TENM2: variants seen among roughly 807,000 people sequenced by gnomAD.
TENM2 encodes teneurin transmembrane protein 2.
Under a neutral mutation model 245.2 loss-of-function variants are expected in TENM2, and 52 were observed. The ratio of observed to expected loss-of-function variants is 0.21; its 90% confidence interval spans 0.17 to 0.27. The LOEUF is 0.27. TENM2 is among the 10% of genes least tolerant of loss of function. The probability of loss-of-function intolerance (pLI) is 1.00; values close to 1 mark genes in which losing one functional copy is unlikely to be tolerated. For missense variants in TENM2, 3,046 were observed against 3,666.8 expected (o/e 0.83, Z 4.37); for synonymous variants, 1,363 against 1,438.9 (o/e 0.95, Z 1.19).
At chr5:167,806,216 T>C (rs1038208369) in intron 2 of TENM2, among the ~76,000 whole-genome samples, 1 of 152,150 alleles carries the variant, frequency 6.6e-6, no homozygotes, top group African/African-American at 2.4e-5. Context: ...AAGGAAAATA[T>C]TAAAAATTAA....
At chr5:167,845,724 C>T (rs1769983253) in intron 2 of TENM2, among the ~76,000 whole-genome samples, 1 of 152,160 alleles carries the variant, frequency 6.6e-6, no homozygotes, top group Non-Finnish European at 1.5e-5. Context: ...CTAGCCTAGA[C>T]TTACCATTCT....
chr5:167,250,789 A>G, the TENM2 span, among the ~76,000 whole-genome samples: 1 of 152,196 alleles, frequency 6.6e-6, no homozygotes, highest in African/African-American at 2.4e-5. Flanking sequence ...TCTCAATACA[A>G]AAATTTTAGT....
chr5:167,433,848 T>C (rs1764385430), intron 2 of TENM2, among the ~76,000 whole-genome samples: 1 of 152,134 alleles, frequency 6.6e-6, no homozygotes, highest in Non-Finnish European at 1.5e-5. Flanking sequence ...AATCTTTAAA[T>C]TGATATATTT....
In TENM2 at chr5:168,087,989, T is replaced by C. The variant is rs562436380; in HGVS notation, c.1516-2585T>C. ...TGAGGAGCCAGCCAAAATAGATGTC[T>C]TCTCTTTCCCCTGAAAAATGCCTCT... is the stretch of plus-strand genomic sequence containing the variant. On this transcript the variant is annotated intron_variant, in intron 7 of 28. Coordinates refer to ENST00000518659, the Ensembl canonical transcript of TENM2. 6.8e-4 allele frequency among the ~76,000 whole-genome samples: 103 copies of C among 152,282 alleles called. 1 individual carries two copies. The highest frequency in any genetic ancestry group is 2.3e-3 in the African/African-American group (97 of 41,566).
At chr5:167,626,494 G>A (rs180952613) in intron 2 of TENM2, among the ~76,000 whole-genome samples, 1 of 152,300 alleles carries the variant, frequency 6.6e-6, no homozygotes, top group African/African-American at 2.4e-5. Context: ...ACATGACTAG[G>A]TCAGTAGCTT....
chr5:167,396,220 AGT>A (rs1311504024), intron 2 of TENM2, among the ~76,000 whole-genome samples: 1 of 152,180 alleles, frequency 6.6e-6, no homozygotes, highest in Non-Finnish European at 1.5e-5. Context: ...AATGTCCATC[AGT>A]GTATGAGTGG....
At chr5:167,771,066 G>A (rs950797379) in intron 2 of TENM2, among the ~76,000 whole-genome samples, 1 of 151,970 alleles carries the variant, frequency 6.6e-6, no homozygotes, top group African/African-American at 2.4e-5. Flanking sequence ...AAAGAAGAAA[G>A]GAGAGGGGAG....
At chr5:167,995,244 C>T (rs1783967756) in intron 5 of TENM2, among the ~76,000 whole-genome samples, 1 of 152,116 alleles carries the variant, frequency 6.6e-6, no homozygotes, top group African/African-American at 2.4e-5. Context: ...TAAGGGCAGT[C>T]ATATACATGG....
At chr5:167,663,184 G>GAGAGAGAGAGAGAA (rs1755351133) in intron 2 of TENM2, among the ~76,000 whole-genome samples, 4 of 129,958 alleles carry the variant, frequency 3.1e-5, no homozygotes, top group African/African-American at 1.3e-4. Context: ...GAGAGAGAGA[G>GAGAGAGAGAGAGAA]AGAAAGAGAG....
intron 1 of TENM2, among the ~76,000 whole-genome samples, chr5:167,301,619 A>G (rs1341554890): frequency 6.6e-6 from 1 of 152,108 alleles, no homozygotes; most frequent in Non-Finnish European, 1.5e-5. Context: ...TGGATAATAA[A>G]ATGTATATTG....
At chr5:167,381,895 G>C (rs753905863) in intron 2 of TENM2, among the ~76,000 whole-genome samples, 14 of 152,096 alleles carry the variant, frequency 9.2e-5, no homozygotes, top group Non-Finnish European at 1.8e-4. Context: ...TTCTAAAATG[G>C]TTTTAAGGCA....
intron 2 of TENM2, among the ~76,000 whole-genome samples, chr5:167,534,389 G>C (rs1256200970): frequency 6.6e-6 from 1 of 152,170 alleles, no homozygotes; most frequent in African/African-American, 2.4e-5. Flanking sequence ...CCAAAAGAAG[G>C]CTGGGGCCCT....
intron 2 of TENM2, among the ~76,000 whole-genome samples, chr5:167,475,993 T>A (rs1010196379): frequency 7.9e-5 from 12 of 152,140 alleles, no homozygotes; most frequent in Non-Finnish European, 1.8e-4. Context: ...AAAAAGCATA[T>A]AAATTTTTTA....
At chr5:167,496,374 G>A (rs997906244) in intron 2 of TENM2, among the ~76,000 whole-genome samples, 6 of 152,112 alleles carry the variant, frequency 3.9e-5, no homozygotes, top group South Asian at 4.2e-4. Context: ...CTGTAGGTTC[G>A]GATGGATTTT....
At chr5:167,756,740 G>A (rs1762334752) in intron 2 of TENM2, among the ~76,000 whole-genome samples, 1 of 152,112 alleles carries the variant, frequency 6.6e-6, no homozygotes, top group African/African-American at 2.4e-5. Context: ...AGAACTAGGA[G>A]CACCTCACCA....
intron 3 of TENM2, among the ~76,000 whole-genome samples, chr5:167,921,265 A>G (rs1378764093): frequency 6.6e-6 from 1 of 152,210 alleles, no homozygotes; most frequent in Non-Finnish European, 1.5e-5. Context: ...TTGGATGTGC[A>G]AGGATTTCAC....
the TENM2 span, among the ~76,000 whole-genome samples, chr5:167,190,747 C>G: frequency 6.6e-6 from 1 of 152,062 alleles, no homozygotes; most frequent in African/African-American, 2.4e-5. Context: ...ACACTCTCAT[C>G]TGCAGTGTTG....
chr5:167,197,452 G>T, the TENM2 span, among the ~76,000 whole-genome samples: 1 of 152,012 alleles, frequency 6.6e-6, no homozygotes, highest in African/African-American at 2.4e-5. Context: ...GTCTTTGGAG[G>T]ATACAGAAAA....
the TENM2 span, among the ~76,000 whole-genome samples, chr5:167,000,012 C>T: frequency 1.3e-5 from 2 of 152,104 alleles, no homozygotes; most frequent in African/African-American, 4.8e-5. Flanking sequence ...TGTTGTAAAA[C>T]CAAGGCAGAG....
Sources: gnomAD v4.1 joint callset for allele counts (sites outside exome capture counted in the v4.1 genomes callset) on GRCh38, gnomAD v4.1.1 for gene constraint, MANE v1.5 for transcripts, NCBI Gene and HGNC (gene_info 2026-07-23, HGNC 2026-07-21) for gene names.